Variants in PUDP observed in about 807,000 individuals in gnomAD.
PUDP encodes pseudouridine-5'-phosphatase.
PUDP carries 8 observed loss-of-function variants against 9.4 expected under a neutral mutation model. That is an observed-to-expected ratio of 0.85 (90% CI 0.50 to 1.53). The LOEUF (loss-of-function observed/expected upper bound fraction) is 1.53. Ranked by LOEUF, PUDP falls within the 40% of genes most tolerant of loss-of-function variation. The probability of loss-of-function intolerance (pLI) is 0.00; values close to 1 mark genes in which losing one functional copy is unlikely to be tolerated. For synonymous variants in PUDP, 99 were observed against 80.7 expected (o/e 1.23, Z -1.22); for missense variants, 188 against 189.7 (o/e 0.99, Z 0.05).
intron 3 of PUDP, among the ~76,000 whole-genome samples, chrX:6,924,229 G>A (rs778808678): frequency 9.0e-6 from 1 of 111,427 alleles, no homozygotes; most frequent in Non-Finnish European, 1.9e-5. Flanking sequence ...TCCCACCTGA[G>A]ACAGTGAGCC....
chrX:6,949,606 G>C (rs769306179), intron 3 of PUDP, among the ~76,000 whole-genome samples: 1 of 112,370 alleles, frequency 8.9e-6, no homozygotes, highest in Non-Finnish European at 1.9e-5. Flanking sequence ...TAAATAAAAT[G>C]TTCTTTCTTT....
In PUDP at chrX:6,771,817, G is replaced by T. The variant is rs180748943; in HGVS notation, c.*248-65351C>A. Among the ~76,000 whole-genome samples, 14 of 112,537 alleles carry T rather than the reference G, an allele frequency of 1.2e-4. No homozygotes were observed. The Admixed American group carries it at 1.3e-3, about 11-fold the overall frequency. On this transcript the variant is annotated intron_variant and NMD_transcript_variant, in intron 3 of 3. Coordinates refer to the PUDP transcript ENST00000655425. ...TCTGTTGCAAACGTTCAACTCTGCC[G>T]TTGTAGCATTAAGGGAGCCACAGAC...
intron 1 of PUDP, among the ~76,000 whole-genome samples, chrX:7,014,171 T>C (rs749024029): frequency 2.1e-4 from 23 of 110,287 alleles, no homozygotes; most frequent in African/African-American, 7.6e-4. Context: ...CATCTGCCAT[T>C]TGTCTGCTTG....
chrX:6,784,951 G>A, intron 3 of PUDP, among the ~76,000 whole-genome samples: 1 of 112,163 alleles, frequency 8.9e-6, no homozygotes, highest in Middle Eastern at 4.6e-3. Flanking sequence ...CAAATTCAGG[G>A]AAAGAATTAA....
At chrX:6,956,566 G>A (rs753327129) in intron 3 of PUDP, among the ~76,000 whole-genome samples, 2 of 111,427 alleles carry the variant, frequency 1.8e-5, no homozygotes, top group Admixed American at 9.5e-5. Context: ...TGGGCTGGAG[G>A]TGGTGACCCT....
intron 3 of PUDP, among the ~76,000 whole-genome samples, chrX:7,075,752 C>T (rs60208807): frequency 0.04 from 4,476 of 111,587 alleles, 213 homozygotes; most frequent in African/African-American, 0.14. Context: ...TGCAACCACC[C>T]GCCATACATT....
At chrX:6,939,955 A>C (rs1928375996) in intron 3 of PUDP, among the ~76,000 whole-genome samples, 1 of 112,688 alleles carries the variant, frequency 8.9e-6, no homozygotes, top group African/African-American at 3.2e-5. Context: ...CAAAATGAAA[A>C]GGCTTGCATA....
chrX:6,761,690 T>C (rs1186478745), intron 3 of PUDP, among the ~76,000 whole-genome samples: 1 of 111,953 alleles, frequency 8.9e-6, no homozygotes, highest in African/African-American at 3.2e-5. Context: ...ATTGAGATGC[T>C]GATGGGTTTG....
intron 1 of PUDP, among the ~76,000 whole-genome samples, chrX:7,015,762 A>G (rs1358096486): frequency 9.1e-6 from 1 of 110,033 alleles, no homozygotes; most frequent in Non-Finnish European, 1.9e-5. Context: ...ATGTTTGCAG[A>G]GATGGAGTCT....
At chrX:6,798,309 T>C (rs1925876150) in intron 3 of PUDP, among the ~76,000 whole-genome samples, 1 of 111,618 alleles carries the variant, frequency 9.0e-6, no homozygotes, top group African/African-American at 3.3e-5. Flanking sequence ...GAGAATAGTA[T>C]GGGGGAAACT....
intron 1 of PUDP, among the ~76,000 whole-genome samples, chrX:6,708,220 A>G (rs1457469497): frequency 1.8e-5 from 2 of 112,040 alleles, no homozygotes; most frequent in African/African-American, 3.2e-5. Context: ...CCTCATAGAA[A>G]GAATTCTTCT....
intron 3 of PUDP, among the ~76,000 whole-genome samples, chrX:6,812,892 G>A (rs143232308): frequency 3.6e-5 from 4 of 111,739 alleles, no homozygotes; most frequent in Non-Finnish European, 1.9e-5. Flanking sequence ...TCAGGAATTC[G>A]AGACCTGCCT....
intron 3 of PUDP, among the ~76,000 whole-genome samples, chrX:6,838,606 T>C (rs1405963483): frequency 8.9e-6 from 1 of 112,257 alleles, no homozygotes; most frequent in Non-Finnish European, 1.9e-5. Context: ...CAACAACTTA[T>C]TGCCACTCAT....
intron 3 of PUDP, chrX:7,057,667 CG>C (rs1386164848): frequency 1.8e-5 from 21 of 1,142,562 alleles, no homozygotes; most frequent in Admixed American, 8.0e-5. Flanking sequence ...GTAGAAGGCT[CG>C]GGGTCTCCAT....
chrX:6,763,504 G>A (rs1925251714), intron 3 of PUDP, among the ~76,000 whole-genome samples: 1 of 111,786 alleles, frequency 8.9e-6, no homozygotes, highest in African/African-American at 3.3e-5. Flanking sequence ...GAGACACAAG[G>A]GCAGAACTGA....
At chrX:7,031,249 A>G (rs1000201365) in intron 1 of PUDP, among the ~76,000 whole-genome samples, 1 of 111,863 alleles carries the variant, frequency 8.9e-6, no homozygotes, top group African/African-American at 3.3e-5. Flanking sequence ...CTGGGAATGC[A>G]GCCCAGTAGG....
intron 1 of PUDP, among the ~76,000 whole-genome samples, chrX:7,120,370 C>T (rs772220725): frequency 1.5e-4 from 17 of 110,726 alleles, no homozygotes; most frequent in Non-Finnish European, 3.0e-4. Flanking sequence ...AGTCAGAGCC[C>T]AGGAATGGCG....
At chrX:6,948,269 A>T (rs903603964) in intron 3 of PUDP, among the ~76,000 whole-genome samples, 1 of 111,707 alleles carries the variant, frequency 9.0e-6, no homozygotes, top group Non-Finnish European at 1.9e-5. Context: ...ATCACTCTTT[A>T]AATAAGTGCC....
intron 3 of PUDP, among the ~76,000 whole-genome samples, chrX:6,901,252 T>C (rs1426776709): frequency 1.8e-5 from 2 of 111,846 alleles, no homozygotes; most frequent in Non-Finnish European, 3.8e-5. Context: ...CAAATATAAA[T>C]CTGATCCTAG....
Sources: gnomAD v4.1 joint callset for allele counts (sites outside exome capture counted in the v4.1 genomes callset) on GRCh38, gnomAD v4.1.1 for gene constraint, MANE v1.5 for transcripts, NCBI Gene and HGNC (gene_info 2026-07-23, HGNC 2026-07-21) for gene names.